The following TRAM2 variants were observed in gnomAD, a reference collection of about 807,000 sequenced individuals.
TRAM2 encodes translocating chain-associated membrane protein 2.
In TRAM2, 12 loss-of-function variants were observed where a neutral mutation model predicts 51.0. The observed-to-expected ratio is 0.24, with a 90% CI of 0.15 to 0.38. TRAM2 has a LOEUF of 0.38. Among genes scored for constraint, TRAM2 ranks in the 10% least tolerant of loss-of-function variants. The pLI, the probability that TRAM2 is intolerant of heterozygous loss-of-function variation, is 1.00. For missense variants in TRAM2, 361 were observed against 462.0 expected (o/e 0.78, Z 2.00); for synonymous variants, 175 against 179.4 (o/e 0.98, Z 0.20).
At chr6:52,519,109 C>T (rs969525709) in intron 2 of TRAM2, among the ~76,000 whole-genome samples, 5 of 152,222 alleles carry the variant, frequency 3.3e-5, no homozygotes, top group Admixed American at 6.5e-5. Flanking sequence ...TTGAGACCTG[C>T]GCACATGCAT....
At chr6:52,506,754 G>A (rs1475910317) in intron 7 of TRAM2, among the ~76,000 whole-genome samples, 1 of 152,164 alleles carries the variant, frequency 6.6e-6, no homozygotes, top group African/African-American at 2.4e-5. Context: ...GGGAACTGAC[G>A]CTGCTACAGG....
At chr6:52,571,697 T>G (rs1172083959) in intron 1 of TRAM2, among the ~76,000 whole-genome samples, 2 of 152,228 alleles carry the variant, frequency 1.3e-5, no homozygotes, top group African/African-American at 2.4e-5. Flanking sequence ...GTAGAGAGAT[T>G]GGTCTGTTTG....
chr6:52,520,245 G>A (rs1308121084), intron 2 of TRAM2, among the ~76,000 whole-genome samples: 1 of 152,248 alleles, frequency 6.6e-6, no homozygotes, highest in East Asian at 1.9e-4. Flanking sequence ...GGGACCTGCA[G>A]AGGTGGGAGA....
chr6:52,535,074 C>T (rs2114085938), intron 2 of TRAM2, among the ~76,000 whole-genome samples: 1 of 152,292 alleles, frequency 6.6e-6, no homozygotes, highest in East Asian at 1.9e-4. Flanking sequence ...GTGCAGCACC[C>T]TGGGCCCCAA....
intron 1 of TRAM2, among the ~76,000 whole-genome samples, chr6:52,558,128 T>G (rs561071268): frequency 2.6e-5 from 4 of 152,168 alleles, no homozygotes; most frequent in African/African-American, 9.7e-5. Context: ...GGCTCAGCTA[T>G]AGAGCACAGC....
At chr6:52,520,460 T>C (rs1483123207) in intron 2 of TRAM2, among the ~76,000 whole-genome samples, 1 of 152,214 alleles carries the variant, frequency 6.6e-6, no homozygotes, top group Non-Finnish European at 1.5e-5. Flanking sequence ...GGAGAAGAGA[T>C]GGGCGTCGGA....
chr6:52,508,437 G>T, intron 5 of TRAM2, 119 bp from the exon 6 acceptor site: 1 of 959,360 alleles, frequency 1.0e-6, no homozygotes, highest in East Asian at 2.6e-5. Context: ...GCTGGTCCAG[G>T]AGCAAGGGAG....
At chr6:52,568,441 C>G (rs1413377114) in intron 1 of TRAM2, among the ~76,000 whole-genome samples, 1 of 152,224 alleles carries the variant, frequency 6.6e-6, no homozygotes, top group African/African-American at 2.4e-5. Flanking sequence ...AACCATGGGT[C>G]TGAAAAGTTC....
chr6:52,573,694 TAG>T (rs1476092647), intron 1 of TRAM2, among the ~76,000 whole-genome samples: 4 of 152,190 alleles, frequency 2.6e-5, no homozygotes, highest in Non-Finnish European at 4.4e-5. Flanking sequence ...GGAAAGAATT[TAG>T]AGTCATCATC....
At chr6:52,504,832 G>A in intron 9 of TRAM2, 78 bp from the exon 10 acceptor site, 1 of 1,383,486 alleles carries the variant, frequency 7.2e-7, no homozygotes, top group Non-Finnish European at 9.8e-7. Flanking sequence ...GGGAGAACAA[G>A]GGCCAGGGGC....
chr6:52,576,967 G>A lies in TRAM2; in HGVS notation c.-52C>T, dbSNP rs1423148056. 5.2e-6 allele frequency: 8 copies of A among 1,540,606 alleles called. No individual in the cohort carries two copies. The Admixed American group carries it at 5.9e-5, about 11-fold the overall frequency. ...GGCCCGCACCCTGCGCTCACGAACC[G>A]CAGCGCAAACTTCTCCAGCACCGGC... is the stretch of plus-strand genomic sequence containing the variant. On this transcript the variant is annotated 5_prime_UTR_variant, in exon 1 of 11. Transcript: ENST00000182527.
chr6:52,549,772 T>G (rs1314462197), intron 1 of TRAM2, among the ~76,000 whole-genome samples: 1 of 152,168 alleles, frequency 6.6e-6, no homozygotes, highest in Admixed American at 6.5e-5. Flanking sequence ...AAGATGGAAG[T>G]GGAAGCATTT....
intron 2 of TRAM2, among the ~76,000 whole-genome samples, chr6:52,518,470 G>A (rs554818396): frequency 6.6e-6 from 1 of 152,328 alleles, no homozygotes; most frequent in South Asian, 2.1e-4. Flanking sequence ...GATGACATTT[G>A]CGTTTTGGAA....
chr6:52,534,527 C>T (rs1004162956), intron 2 of TRAM2, among the ~76,000 whole-genome samples: 10 of 152,158 alleles, frequency 6.6e-5, no homozygotes, highest in African/African-American at 1.9e-4. Context: ...GTGGCGGGAT[C>T]GGAGAACCCC....
At chr6:52,504,834 GC>G in intron 9 of TRAM2, 80 bp from the exon 10 acceptor site, 1 of 1,380,258 alleles carries the variant, frequency 7.2e-7, no homozygotes, top group Non-Finnish European at 9.9e-7. Flanking sequence ...GAGAACAAGG[GC>G]CAGGGGCCCT....
At chr6:52,560,899 A>C (rs982297342) in intron 1 of TRAM2, among the ~76,000 whole-genome samples, 6 of 152,214 alleles carry the variant, frequency 3.9e-5, no homozygotes, top group African/African-American at 1.4e-4. Flanking sequence ...CCCAAGGTAT[A>C]TATCCAAGAC....
At chr6:52,521,002 A>T (rs759994116) in intron 2 of TRAM2, among the ~76,000 whole-genome samples, 1 of 152,136 alleles carries the variant, frequency 6.6e-6, no homozygotes, top group Non-Finnish European at 1.5e-5. Context: ...TCCCGGGTTC[A>T]AGCAATTCTC....
At chr6:52,566,158 T>C (rs540097689) in intron 1 of TRAM2, among the ~76,000 whole-genome samples, 1 of 152,162 alleles carries the variant, frequency 6.6e-6, no homozygotes, top group Non-Finnish European at 1.5e-5. Context: ...CGGAATGATA[T>C]GCACGTTCAG....
At position 52,500,612 on chromosome 6, in the gene TRAM2, G is replaced by A. The variant is rs1377838991; in HGVS notation, c.*2585C>T. Reference sequence around the variant, plus strand: ...GAGCCTAAGCTGACCCCGGCCACTGGGCTGGTGGGACCACATCCAAGGCAT... The same window carrying A: ...GAGCCTAAGCTGACCCCGGCCACTGAGCTGGTGGGACCACATCCAAGGCAT... On this transcript the variant is annotated 3_prime_UTR_variant, in exon 11 of 11. Coordinates refer to ENST00000182527, the MANE Select transcript of TRAM2 (RefSeq NM_012288.4). 1.3e-5 allele frequency: 2 copies of A among 152,154 alleles called. No individual in the cohort carries two copies. Among genetic ancestry groups the A allele is most frequent in the African/African-American group, 4.8e-5 (2 of 41,298 alleles). The allele number at this position is 152,154 out of a possible 1,614,324, so 9.4% of individuals were successfully genotyped here.
Sources: gnomAD v4.1 joint callset for allele counts (sites outside exome capture counted in the v4.1 genomes callset) on GRCh38, gnomAD v4.1.1 for gene constraint, MANE v1.5 for transcripts, NCBI Gene and HGNC (gene_info 2026-07-23, HGNC 2026-07-21) for gene names.